Variants in RGS9 observed in about 807,000 individuals in gnomAD.
RGS9 encodes regulator of G-protein signalling 9.
Under a neutral mutation model 102.0 loss-of-function variants are expected in RGS9, and 78 were observed. The ratio of observed to expected loss-of-function variants is 0.76; its 90% confidence interval spans 0.64 to 0.92. The LOEUF (loss-of-function observed/expected upper bound fraction) is 0.92. Among genes scored for constraint, RGS9 ranks in the 40% least tolerant of loss-of-function variants. The probability of loss-of-function intolerance (pLI) is 0.00; values close to 1 mark genes in which losing one functional copy is unlikely to be tolerated. For synonymous variants in RGS9, 353 were observed against 318.6 expected (o/e 1.11, Z -1.15); for missense variants, 833 against 866.1 (o/e 0.96, Z 0.48).
chr17:65,219,039 G>A (rs150509107), intron 17 of RGS9, among the ~76,000 whole-genome samples: 17 of 152,360 alleles, frequency 1.1e-4, no homozygotes, highest in African/African-American at 4.1e-4. Flanking sequence ...ATCAGCAGAG[G>A]CTAAAGCAGA....
At chr17:65,208,825 A>T (rs774710522) in intron 16 of RGS9, among the ~76,000 whole-genome samples, 9 of 152,110 alleles carry the variant, frequency 5.9e-5, no homozygotes, top group Non-Finnish European at 1.2e-4. Flanking sequence ...GCCGGACCAG[A>T]GCCTTTATCA....
chr17:65,225,629 C>G, intron 18 of RGS9, 143 bp downstream of exon 18: 1 of 1,181,644 alleles, frequency 8.5e-7, no homozygotes, highest in Non-Finnish European at 1.2e-6. Context: ...CCCTTGGCCA[C>G]TGGAAGATAT....
At chr17:65,188,866 C>T (rs139902203) in intron 9 of RGS9, 79 of 212,924 alleles carry the variant, frequency 3.7e-4, no homozygotes, top group African/African-American at 1.7e-3. Flanking sequence ...CCTCCCTCCT[C>T]GGCCTCCCAA....
At chr17:65,178,872 G>C (rs375470707) in intron 9 of RGS9, among the ~76,000 whole-genome samples, 461 of 152,216 alleles carry the variant, frequency 3.0e-3, no homozygotes, top group African/African-American at 0.01. Context: ...CCCCAGCTCT[G>C]CCCATGAGAT....
At chr17:65,177,678 C>T in intron 8 of RGS9, 54 bp from the exon 9 acceptor site, 19 of 1,535,472 alleles carry the variant, frequency 1.2e-5, no homozygotes, top group Non-Finnish European at 1.6e-5. Context: ...CACAGTTAAC[C>T]AGAAACTGGA....
At chr17:65,172,472 A>C (rs9909092) in intron 8 of RGS9, among the ~76,000 whole-genome samples, 12,247 of 152,222 alleles carry the variant, frequency 0.08, 586 homozygotes, top group Middle Eastern at 0.13. Flanking sequence ...GATTCCAGGC[A>C]TGAGCCACTG....
chr17:65,220,645 T>G (rs777035156), intron 17 of RGS9, among the ~76,000 whole-genome samples: 4 of 152,242 alleles, frequency 2.6e-5, no homozygotes, highest in African/African-American at 9.6e-5. Flanking sequence ...CACCTAAATG[T>G]GGCCCTCTGC....
intron 15 of RGS9, among the ~76,000 whole-genome samples, chr17:65,205,419 A>T (rs1913015507): frequency 6.6e-6 from 1 of 152,106 alleles, no homozygotes; most frequent in South Asian, 2.1e-4. Flanking sequence ...AGGTTATGTG[A>T]TATAGACCAT....
intron 1 of RGS9, among the ~76,000 whole-genome samples, chr17:65,147,361 C>T (rs1027110048): frequency 1.3e-5 from 2 of 151,964 alleles, no homozygotes; most frequent in African/African-American, 4.8e-5. Flanking sequence ...TTCTTGAAAT[C>T]GTGGTTCAGC....
chr17:65,172,998 C>T (rs916357593), intron 8 of RGS9, among the ~76,000 whole-genome samples: 1 of 151,886 alleles, frequency 6.6e-6, no homozygotes, highest in Non-Finnish European at 1.5e-5. Flanking sequence ...TCTCAGCTCA[C>T]TGCAACCTTC....
chr17:65,165,558 A>C (rs1911144708), intron 7 of RGS9, among the ~76,000 whole-genome samples: 1 of 152,122 alleles, frequency 6.6e-6, no homozygotes, highest in Admixed American at 6.5e-5. Flanking sequence ...TGTTGCTGTC[A>C]AACCTCAAAC....
chr17:65,221,650 G>A (rs1913709455), intron 17 of RGS9, among the ~76,000 whole-genome samples: 2 of 152,296 alleles, frequency 1.3e-5, no homozygotes, highest in East Asian at 1.9e-4. Context: ...GGGCTGTAAG[G>A]GAATTCCATA....
intron 17 of RGS9, among the ~76,000 whole-genome samples, chr17:65,223,857 C>T (rs1237497774): frequency 6.6e-6 from 1 of 151,608 alleles, no homozygotes; most frequent in Non-Finnish European, 1.5e-5. Flanking sequence ...TTCAAGTGAT[C>T]CTCCTGCCTC....
At chr17:65,168,545 C>CTTTTT (rs5821624) in intron 8 of RGS9, among the ~76,000 whole-genome samples, 114 of 85,226 alleles carry the variant, frequency 1.3e-3, no homozygotes, top group Non-Finnish European at 2.0e-3. Context: ...AGGGCTGGGA[C>CTTTTT]TTTTTTTTTT....
At chr17:65,169,614 A>T (rs1010462855) in intron 8 of RGS9, among the ~76,000 whole-genome samples, 3 of 151,976 alleles carry the variant, frequency 2.0e-5, no homozygotes, top group African/African-American at 7.3e-5. Context: ...ATGTGCAGAG[A>T]CTCCTCACTG....
chr17:65,200,490 G>T (rs1456768159), intron 13 of RGS9, among the ~76,000 whole-genome samples: 1 of 152,132 alleles, frequency 6.6e-6, no homozygotes, highest in Non-Finnish European at 1.5e-5. Flanking sequence ...ACTGTCTTTT[G>T]CTATGGGCAA....
At chr17:65,227,219 G>A (rs1905728597) in intron 18 of RGS9, 56 bp from the exon 19 acceptor site, 2 of 1,612,466 alleles carry the variant, frequency 1.2e-6, no homozygotes, top group Non-Finnish European at 1.7e-6. Context: ...ATTTGGGGAG[G>A]TGCAGTCCCT....
At position 65,168,237 on chromosome 17, in the gene RGS9, C is replaced by G. The variant is rs763943189; in HGVS notation, c.538C>G (p.Leu180Val). The change falls in exon 8 of 19, where the codon CTG (leucine) becomes GTG (valine). Residue 180 changes from leucine (L) to valine (V), a missense_variant. Around this residue, in one of 3 missense-constraint regions of RGS9, gnomAD observed 328 missense variants for 340.6 expected, o/e 0.96. Transcript: ENST00000262406. Reference protein sequence around the residue: ...KERNKADRYALDCQEKAYWLV... With the variant: ...KERNKADRYAVDCQEKAYWLV... The stretch of plus-strand genomic sequence containing the variant: ...GAGGAACAAAGCAGACAGATATGCC[C>G]TGGACTGCCAGGAGAAGGCATACTG... 4.3e-6 allele frequency: 7 copies of G among 1,611,534 alleles called. No individual in the cohort carries two copies. In the South Asian group the frequency reaches 7.8e-5, roughly 18 times the overall value.
intron 17 of RGS9, among the ~76,000 whole-genome samples, chr17:65,218,508 T>C (rs1367681185): frequency 6.6e-6 from 1 of 152,218 alleles, no homozygotes; most frequent in Non-Finnish European, 1.5e-5. Flanking sequence ...ATGTGGACTT[T>C]GGGGTTAGGC....
Sources: allele counts gnomAD v4.1 joint callset (sites outside exome capture counted in the v4.1 genomes callset), GRCh38; gene constraint gnomAD v4.1.1; regional missense constraint gnomAD v4.1.1; transcripts MANE v1.5; gene names NCBI Gene and HGNC (gene_info 2026-07-23, HGNC 2026-07-21).